Variants in MCM9 observed in about 807,000 individuals in gnomAD.
The protein encoded by MCM9 is minichromosome maintenance 9 homologous recombination repair factor.
MCM9 carries 55 observed loss-of-function variants against 72.8 expected under a neutral mutation model. The observed-to-expected ratio is 0.76, with a 90% confidence interval of 0.61 to 0.95. The LOEUF (loss-of-function observed/expected upper bound fraction) is 0.95, where lower values mean the gene tolerates loss of function less well. Among genes scored for constraint, MCM9 ranks in the 40% least tolerant of loss-of-function variants. MCM9 has a pLI of 0.00. For missense variants in MCM9, 1,279 were observed against 1,377.0 expected, an observed-to-expected ratio of 0.93 and a Z score of 1.13; for synonymous variants, 480 against 503.4, an observed-to-expected ratio of 0.95 and a Z score of 0.62.
At chr6:118,913,128 C>T in intron 7 of MCM9, 167 bp downstream of exon 7, 1 of 715,366 alleles carries the variant, frequency 1.4e-6, no homozygotes, top group Non-Finnish European at 2.2e-6. Flanking sequence ...AAAGTAGCTT[C>T]TGATATACAG....
intron 9 of MCM9, among the ~76,000 whole-genome samples, chr6:118,832,438 A>G (rs1460872895): frequency 6.6e-6 from 1 of 152,244 alleles, no homozygotes; most frequent in Non-Finnish European, 1.5e-5. Flanking sequence ...TGCCTGGTAC[A>G]TAGTAAATGC....
At chr6:118,926,163 T>A (rs1484252473) in intron 3 of MCM9, among the ~76,000 whole-genome samples, 1 of 152,200 alleles carries the variant, frequency 6.6e-6, no homozygotes, top group Non-Finnish European at 1.5e-5. Flanking sequence ...TTCTGGAAAT[T>A]TCACACGTAG....
intron 1 of MCM9, among the ~76,000 whole-genome samples, chr6:118,933,794 T>C (rs144136863): frequency 0.016 from 2,397 of 152,200 alleles, 32 homozygotes; most frequent in East Asian, 0.037. Context: ...CTGACCACTA[T>C]AGGAGGCCAG....
In MCM9 at chr6:118,917,547, C is replaced by A; in HGVS notation, c.904+14G>T. 1 of 1,612,928 alleles carries A rather than the reference C, an allele frequency of 6.2e-7. No individual in the cohort carries two copies. Among genetic ancestry groups the A allele is most frequent in the Non-Finnish European group, 8.5e-7 (1 of 1,179,072 alleles). On this transcript the variant is annotated intron_variant, in intron 6 of 13. Transcript: ENST00000619706. ...ACCATTAATAATAATCAGTTTTAGC[C>A]CTTAAACACAAACCTGCAAAGGGAT...
At chr6:118,895,290 C>T (rs1357467010) in intron 8 of MCM9, among the ~76,000 whole-genome samples, 1 of 152,034 alleles carries the variant, frequency 6.6e-6, no homozygotes, top group African/African-American at 2.4e-5. Context: ...GGGATGCTGG[C>T]GCGCAGGCTC....
intron 12 of MCM9, 137 bp downstream of exon 12, chr6:118,826,645 T>G: frequency 1.5e-6 from 1 of 680,298 alleles, no homozygotes; most frequent in Non-Finnish European, 2.5e-6. Flanking sequence ...TCGGTTACCT[T>G]TGGATATATT....
intron 8 of MCM9, chr6:118,893,951 G>A (rs1779143587): frequency 2.1e-6 from 2 of 939,516 alleles, no homozygotes; most frequent in Non-Finnish European, 2.5e-6. Flanking sequence ...CCCCGCCGCG[G>A]CCACGCCCCC....
intron 7 of MCM9, chr6:118,912,038 G>A (rs896299355): frequency 3.2e-5 from 7 of 219,792 alleles, no homozygotes; most frequent in Non-Finnish European, 6.2e-5. Context: ...AATATCTGGG[G>A]CCAGGTGCGG....
At chr6:118,818,134 T>C (rs1430903453) in intron 13 of MCM9, among the ~76,000 whole-genome samples, 2 of 152,346 alleles carry the variant, frequency 1.3e-5, no homozygotes, top group Admixed American at 6.5e-5. Flanking sequence ...TTGGTTTGAT[T>C]AGATCCCATT....
chr6:118,932,792 G>A (rs989724877), intron 1 of MCM9, 52 bp from the exon 2 acceptor site: 3 of 158,212 alleles, frequency 1.9e-5, no homozygotes, highest in African/African-American at 7.2e-5. Flanking sequence ...AAAAAACACT[G>A]AGTCTTCAAA....
At chr6:118,847,422 CAAAAAA>C (rs368957444) in intron 9 of MCM9, among the ~76,000 whole-genome samples, 7 of 113,860 alleles carry the variant, frequency 6.1e-5, no homozygotes, top group Admixed American at 3.9e-4. Context: ...CATGAATCTT[CAAAAAA>C]AAAAAAAAAA....
chr6:118,854,350 T>G (rs1040836314), intron 9 of MCM9, among the ~76,000 whole-genome samples: 4 of 152,106 alleles, frequency 2.6e-5, no homozygotes, highest in African/African-American at 9.7e-5. Flanking sequence ...GCAGGTGTTT[T>G]TTGTTGTTGT....
chr6:118,864,842 TC>T (rs1193199782), intron 8 of MCM9, among the ~76,000 whole-genome samples: 1 of 152,120 alleles, frequency 6.6e-6, no homozygotes, highest in African/African-American at 2.4e-5. Flanking sequence ...TGGGGCTTCA[TC>T]CCCCAAGAGC....
chr6:118,841,529 A>G (rs139830697), intron 9 of MCM9, among the ~76,000 whole-genome samples: 1,571 of 152,334 alleles, frequency 0.01, 29 homozygotes, highest in African/African-American at 0.036. Context: ...AGGCAGATCA[A>G]CAAGACCCAA....
At chr6:118,924,880 T>TA (rs1163224840) in intron 3 of MCM9, among the ~76,000 whole-genome samples, 4 of 151,952 alleles carry the variant, frequency 2.6e-5, no homozygotes, top group Non-Finnish European at 2.9e-5. Context: ...CCCATCCCTA[T>TA]AAAAAATTAA....
At chr6:118,862,968 C>T (rs1414379469) in intron 8 of MCM9, among the ~76,000 whole-genome samples, 2 of 151,984 alleles carry the variant, frequency 1.3e-5, no homozygotes, top group African/African-American at 4.8e-5. Flanking sequence ...AGTAGACCTG[C>T]CTTGCAAGGA....
chr6:118,856,680 G>T, intron 8 of MCM9, 135 bp from the exon 9 acceptor site: 1 of 912,660 alleles, frequency 1.1e-6, no homozygotes, highest in Non-Finnish European at 1.6e-6. Flanking sequence ...GGAGTTCGAG[G>T]CCTGCCTGGA....
At chr6:118,825,413 A>C (rs1306844729) in intron 13 of MCM9, among the ~76,000 whole-genome samples, 1 of 152,194 alleles carries the variant, frequency 6.6e-6, no homozygotes, top group Non-Finnish European at 1.5e-5. Flanking sequence ...AAGAATTCTC[A>C]AGGATTTTTT....
At chr6:118,827,130 A>C (rs909439807) in intron 11 of MCM9, among the ~76,000 whole-genome samples, 26 of 152,344 alleles carry the variant, frequency 1.7e-4, no homozygotes, top group African/African-American at 6.3e-4. Context: ...CTATATAAAC[A>C]TACATTTAAT....
Sources: allele counts gnomAD v4.1 joint callset (sites outside exome capture counted in the v4.1 genomes callset), GRCh38; gene constraint gnomAD v4.1.1; transcripts MANE v1.5; gene names NCBI Gene and HGNC (gene_info 2026-07-23, HGNC 2026-07-21).